PDE3B: variants seen among roughly 807,000 people sequenced by gnomAD.
The protein encoded by PDE3B is cGMP-inhibited 3',5'-cyclic phosphodiesterase 3B.
Under a neutral mutation model 116.8 loss-of-function variants are expected in PDE3B, and 66 were observed. The observed-to-expected ratio is 0.56, with a 90% CI of 0.46 to 0.69. The LOEUF is 0.69. PDE3B is among the 30% of genes least tolerant of loss of function. PDE3B has a pLI of 0.00. For missense variants in PDE3B, 1,384 were observed against 1,368.1 expected, an observed-to-expected ratio of 1.01 and a Z score of -0.18; for synonymous variants, 595 against 533.6, an observed-to-expected ratio of 1.12 and a Z score of -1.59.
intron 1 of PDE3B, among the ~76,000 whole-genome samples, chr11:14,681,619 G>T (rs1018587333): frequency 6.6e-6 from 1 of 152,146 alleles, no homozygotes; most frequent in Non-Finnish European, 1.5e-5. Flanking sequence ...ATTGTAAGTT[G>T]TACCATCATA....
At chr11:14,781,722 C>T (rs944415640) in intron 2 of PDE3B, among the ~76,000 whole-genome samples, 5 of 152,274 alleles carry the variant, frequency 3.3e-5, no homozygotes, top group African/African-American at 1.2e-4. Flanking sequence ...TGGGCAAAAA[C>T]TGGAAGCATT....
intron 1 of PDE3B, among the ~76,000 whole-genome samples, chr11:14,732,491 AT>A (rs1400807327): frequency 2.0e-5 from 3 of 152,212 alleles, no homozygotes; most frequent in Non-Finnish European, 4.4e-5. Flanking sequence ...CCTTTTAATT[AT>A]AGATTTTTGA....
intron 1 of PDE3B, among the ~76,000 whole-genome samples, chr11:14,685,112 TA>T (rs1854830297): frequency 1.3e-5 from 2 of 152,292 alleles, no homozygotes; most frequent in South Asian, 4.1e-4. Flanking sequence ...ATGTCCATAT[TA>T]AAATGAAATC....
intron 2 of PDE3B, 43 bp from the exon 3 acceptor site, chr11:14,786,394 G>A (rs1858197767): frequency 3.4e-6 from 5 of 1,463,184 alleles, no homozygotes; most frequent in Non-Finnish European, 4.7e-6. Flanking sequence ...TATCATTTAT[G>A]CCATGTACAA....
At chr11:14,891,617 G>A in the PDE3B span, 2 of 1,071,020 alleles carry the variant, frequency 1.9e-6, no homozygotes, top group African/African-American at 1.7e-5. Flanking sequence ...CGACTCGCAA[G>A]ACGCCCGCAC....
At chr11:14,896,887 G>T in the PDE3B span, among the ~76,000 whole-genome samples, 5 of 152,204 alleles carry the variant, frequency 3.3e-5, no homozygotes, top group African/African-American at 1.2e-4. Context: ...ATTTGAAGAA[G>T]CAAACTAACA....
intron 4 of PDE3B, among the ~76,000 whole-genome samples, chr11:14,798,753 G>T (rs534594620): frequency 3.3e-5 from 5 of 152,094 alleles, no homozygotes; most frequent in Non-Finnish European, 7.4e-5. Flanking sequence ...ATGGTAGTTT[G>T]TATTTCTGTG....
intron 1 of PDE3B, among the ~76,000 whole-genome samples, chr11:14,708,661 A>G (rs1286257159): frequency 6.6e-6 from 1 of 152,098 alleles, no homozygotes; most frequent in African/African-American, 2.4e-5. Flanking sequence ...GTCGATAACT[A>G]TAGTGTGGTT....
At chr11:14,689,033 A>C (rs1262916116) in intron 1 of PDE3B, among the ~76,000 whole-genome samples, 1 of 152,178 alleles carries the variant, frequency 6.6e-6, no homozygotes, top group Non-Finnish European at 1.5e-5. Context: ...TCGGCCTCCC[A>C]AAGTGCTGGG....
At chr11:14,838,833 C>T (rs951188562) in intron 11 of PDE3B, among the ~76,000 whole-genome samples, 1 of 152,150 alleles carries the variant, frequency 6.6e-6, no homozygotes, top group African/African-American at 2.4e-5. Context: ...TTAGCTTGAG[C>T]AACTGGCAGT....
intron 1 of PDE3B, among the ~76,000 whole-genome samples, chr11:14,680,509 A>C (rs1286320876): frequency 6.6e-6 from 1 of 152,172 alleles, no homozygotes; most frequent in Non-Finnish European, 1.5e-5. Flanking sequence ...GGGCAAACAA[A>C]AGTAGAACCG....
At chr11:14,660,333 G>C (rs554879029) in intron 1 of PDE3B, among the ~76,000 whole-genome samples, 1 of 144,246 alleles carries the variant, frequency 6.9e-6, no homozygotes, top group African/African-American at 2.6e-5. Context: ...GTGGGGTCTC[G>C]CCCTGTTGCC....
intron 1 of PDE3B, 107 bp downstream of exon 1, chr11:14,645,160 G>T: frequency 4.4e-6 from 1 of 226,264 alleles, no homozygotes; most frequent in Non-Finnish European, 7.7e-6. Flanking sequence ...TTTCAGAATG[G>T]AAAAAGGGTG....
At chr11:14,739,086 C>T (rs1250401385) in intron 1 of PDE3B, among the ~76,000 whole-genome samples, 1 of 152,104 alleles carries the variant, frequency 6.6e-6, no homozygotes, top group Admixed American at 6.5e-5. Context: ...GCTATGCAGG[C>T]CCTTTTTTGG....
chr11:14,657,304 C>T (rs754312917), intron 1 of PDE3B, among the ~76,000 whole-genome samples: 56 of 152,088 alleles, frequency 3.7e-4, no homozygotes, highest in Non-Finnish European at 6.9e-4. Flanking sequence ...ATAAGAGATA[C>T]GGAAACAGAA....
chr11:14,657,049 A>G (rs1853735513), intron 1 of PDE3B, among the ~76,000 whole-genome samples: 1 of 152,112 alleles, frequency 6.6e-6, no homozygotes, highest in Non-Finnish European at 1.5e-5. Context: ...ATTTGGATTT[A>G]TTTTCTTTTA....
At chr11:14,896,772 C>T in the PDE3B span, among the ~76,000 whole-genome samples, 5 of 152,140 alleles carry the variant, frequency 3.3e-5, no homozygotes, top group African/African-American at 4.8e-5. Flanking sequence ...ATTTAAAATT[C>T]GTGAATATCA....
intron 1 of PDE3B, among the ~76,000 whole-genome samples, chr11:14,665,791 A>G (rs1334741005): frequency 6.6e-6 from 1 of 152,240 alleles, no homozygotes; most frequent in African/African-American, 2.4e-5. Flanking sequence ...GAGGATACAA[A>G]TAAATGGAAG....
the PDE3B span, chr11:14,877,999 T>C: frequency 2.0e-6 from 2 of 977,280 alleles, no homozygotes; most frequent in Admixed American, 4.3e-5. Context: ...TTAAGACACA[T>C]CTGTGTTCAT....
Sources: allele counts gnomAD v4.1 joint callset (sites outside exome capture counted in the v4.1 genomes callset), GRCh38; gene constraint gnomAD v4.1.1; transcripts MANE v1.5; gene names NCBI Gene and HGNC (gene_info 2026-07-23, HGNC 2026-07-21).